PTPRM: variants seen among roughly 807,000 people sequenced by gnomAD.
PTPRM encodes the protein protein tyrosine phosphatase receptor type M, also known as receptor-type tyrosine-protein phosphatase mu.
Under a neutral mutation model 186.7 loss-of-function variants are expected in PTPRM, and 47 were observed. The observed-to-expected ratio is 0.25, with a 90% CI of 0.20 to 0.32. The LOEUF is 0.32. Ranked by LOEUF, PTPRM falls within the 10% of genes least tolerant of loss-of-function variation. The pLI is 1.00. For missense variants in PTPRM, 1,494 were observed against 1,865.0 expected (o/e 0.80, Z 3.66); for synonymous variants, 668 against 674.9 (o/e 0.99, Z 0.16).
At chr18:7,961,603 T>C (rs1387470253) in intron 7 of PTPRM, among the ~76,000 whole-genome samples, 1 of 152,252 alleles carries the variant, frequency 6.6e-6, no homozygotes, top group Non-Finnish European at 1.5e-5. Flanking sequence ...TAGTAAAGCA[T>C]GTACTGCTGG....
intron 1 of PTPRM, among the ~76,000 whole-genome samples, chr18:7,712,980 G>A (rs565418812): frequency 1.3e-5 from 2 of 152,210 alleles, no homozygotes; most frequent in African/African-American, 4.8e-5. Flanking sequence ...CCCCAACCTA[G>A]CAAGACAGGC....
chr18:7,963,977 G>T (rs2147208075), intron 7 of PTPRM, among the ~76,000 whole-genome samples: 1 of 152,154 alleles, frequency 6.6e-6, no homozygotes, highest in South Asian at 2.1e-4. Context: ...AATCTGCTTT[G>T]AACAATTCTT....
chr18:7,986,942 G>T (rs2082995117), intron 7 of PTPRM, among the ~76,000 whole-genome samples: 1 of 152,176 alleles, frequency 6.6e-6, no homozygotes, highest in Non-Finnish European at 1.5e-5. Context: ...AGGACACAGG[G>T]AGAACACATC....
At chr18:8,251,874 ATCTT>A (rs2094531231) in intron 17 of PTPRM, 3 of 152,270 alleles carry the variant, frequency 2.0e-5, no homozygotes, top group Admixed American at 2.0e-4. Flanking sequence ...ACTTGAATAT[ATCTT>A]TTATATGTTT....
intron 32 of PTPRM, 59 bp downstream of exon 32, chr18:8,394,670 C>T (rs954741308): frequency 1.3e-4 from 195 of 1,463,976 alleles, no homozygotes; most frequent in Non-Finnish European, 1.7e-4. Flanking sequence ...GAATCCACTC[C>T]AGCTCCCAGA....
chr18:7,916,949 C>G (rs146756911), intron 4 of PTPRM, among the ~76,000 whole-genome samples: 1 of 152,182 alleles, frequency 6.6e-6, no homozygotes, highest in Non-Finnish European at 1.5e-5. Flanking sequence ...TGTCCCTCTA[C>G]GCCCTACCTT....
intron 1 of PTPRM, among the ~76,000 whole-genome samples, chr18:7,720,792 G>T (rs977859582): frequency 2.0e-5 from 3 of 152,204 alleles, no homozygotes; most frequent in Admixed American, 1.3e-4. Flanking sequence ...CATGCATGTG[G>T]CATGTCAGAA....
At chr18:8,292,147 G>A (rs1309793985) in intron 19 of PTPRM, among the ~76,000 whole-genome samples, 2 of 152,156 alleles carry the variant, frequency 1.3e-5, no homozygotes, top group Non-Finnish European at 2.9e-5. Context: ...TGGCTCCAGA[G>A]CTACAGATGA....
At chr18:7,722,870 A>T (rs529443336) in intron 1 of PTPRM, among the ~76,000 whole-genome samples, 1 of 152,342 alleles carries the variant, frequency 6.6e-6, no homozygotes, top group East Asian at 1.9e-4. Context: ...TTTTAGACCT[A>T]TGAGAAGGTG....
At chr18:8,084,381 G>A (rs1241040088) in intron 9 of PTPRM, among the ~76,000 whole-genome samples, 1 of 152,148 alleles carries the variant, frequency 6.6e-6, no homozygotes, top group East Asian at 1.9e-4. Context: ...CCACTAGGGG[G>A]TAGATTGGCT....
chr18:8,006,533 T>G (rs1399808513), intron 7 of PTPRM, among the ~76,000 whole-genome samples: 1 of 152,210 alleles, frequency 6.6e-6, no homozygotes, highest in African/African-American at 2.4e-5. Context: ...GGAGGCTTCC[T>G]CCTCCTGCTT....
Position 7,568,765 on chromosome 18 carries a change from A to T in PTPRM, c.73+874A>T, listed in dbSNP as rs1310044843. 6.6e-6 allele frequency among the ~76,000 whole-genome samples: 1 copy of T among 152,140 alleles called. No individual in the cohort carries two copies. Among genetic ancestry groups the T allele is most frequent in the Admixed American group, 6.5e-5 (1 of 15,280 alleles). ...GCGCGCGGGGGCGTTCTAAGCCCAGAGGAACCCCTCACGGAGAGGATCTGT... is the reference window on the plus strand; with the variant it reads ...GCGCGCGGGGGCGTTCTAAGCCCAGTGGAACCCCTCACGGAGAGGATCTGT... On this transcript the variant is annotated intron_variant, in intron 1 of 32. Transcript: ENST00000580170. The surrounding 1 kb of genome is among the most constrained non-coding windows in gnomAD (Gnocchi z 5.1).
intron 19 of PTPRM, among the ~76,000 whole-genome samples, chr18:8,284,509 G>A (rs1013636111): frequency 3.9e-5 from 6 of 152,156 alleles, no homozygotes; most frequent in African/African-American, 7.2e-5. Context: ...CATTAGAGGA[G>A]TTTTTAACAT....
At chr18:8,102,169 G>A (rs1360373293) in intron 11 of PTPRM, among the ~76,000 whole-genome samples, 2 of 152,150 alleles carry the variant, frequency 1.3e-5, no homozygotes, top group African/African-American at 2.4e-5. Flanking sequence ...CCTTCAATGA[G>A]GCATAATCTT....
In PTPRM at chr18:8,253,254, C is replaced by G; in HGVS notation, c.2594C>G (p.Thr865Ser). Residue 865 changes from threonine (T) to serine (S), a missense_variant, in exon 19 of 33, where the codon ACC becomes AGC. Thr to Ser is a moderately conservative substitution (Grantham distance 58). Transcript: ENST00000580170. ...GAAACCCACACAATGGCCAGCGATA[C>G]CAGCAGCCTGGTGCAGTCCCATACT... ...NDETHTMASD[T>S]SSLVQSHTYK... 1 of 1,541,310 alleles carries G rather than the reference C, an allele frequency of 6.5e-7. No homozygotes were observed. Among genetic ancestry groups the G allele is most frequent in the Non-Finnish European group, 8.8e-7 (1 of 1,142,310 alleles).
rs779633913 is a variant in PTPRM, at chr18:8,085,620, A to C, written c.1552-51A>C. 13 of 1,471,472 alleles carry C rather than the reference A, an allele frequency of 8.8e-6. No individual in the cohort carries two copies. In the African/African-American group the frequency reaches 1.5e-4, roughly 17 times the overall value. 91.2% of individuals were successfully genotyped at this position (1,471,472 alleles called of 1,614,324 possible). ...GAAGGGTTTATTGGATAAAGATGCA[A>C]TCTGAGTCCATCTGCTCCAGATATT... On this transcript the variant is annotated intron_variant, in intron 9 of 32. Transcript: ENST00000580170.
At chr18:7,899,608 G>T (rs986740515) in intron 3 of PTPRM, among the ~76,000 whole-genome samples, 3 of 152,116 alleles carry the variant, frequency 2.0e-5, no homozygotes, top group African/African-American at 7.2e-5. Context: ...TCCTAAAAAT[G>T]TTTGTTTCAG....
At chr18:7,607,794 T>A (rs999987335) in intron 1 of PTPRM, among the ~76,000 whole-genome samples, 1 of 152,194 alleles carries the variant, frequency 6.6e-6, no homozygotes, top group Non-Finnish European at 1.5e-5. Flanking sequence ...CGCTCTGCCT[T>A]CCTCGGAGCA....
intron 11 of PTPRM, among the ~76,000 whole-genome samples, chr18:8,104,965 T>G (rs2091452389): frequency 6.6e-6 from 1 of 152,198 alleles, no homozygotes; most frequent in African/African-American, 2.4e-5. Flanking sequence ...GTTCCCTTTT[T>G]ATTTATTGGA....
Sources: gnomAD v4.1 joint callset for allele counts (sites outside exome capture counted in the v4.1 genomes callset) on GRCh38, gnomAD v4.1.1 for gene constraint, Gnocchi (gnomAD v3.1) non-coding constraint, MANE v1.5 for transcripts, NCBI Gene and HGNC (gene_info 2026-07-23, HGNC 2026-07-21) for gene names.